The following ADAMTS2 variants were observed in gnomAD, a reference collection of about 807,000 sequenced individuals.
ADAMTS2 encodes the protein ADAM metallopeptidase with thrombospondin type 1 motif 2.
A neutral mutation model predicts 123.0 loss-of-function variants in ADAMTS2; 50 were observed. The ratio of observed to expected loss-of-function variants is 0.41; its 90% CI spans 0.32 to 0.51. ADAMTS2 has a LOEUF of 0.51. Among genes scored for constraint, ADAMTS2 ranks in the 20% least tolerant of loss-of-function variants. The pLI, the probability that ADAMTS2 is intolerant of heterozygous loss-of-function variation, is 0.35. For synonymous variants in ADAMTS2, 678 were observed against 695.4 expected, an observed-to-expected ratio of 0.98 and a Z score of 0.39; for missense variants, 1,494 against 1,705.2, an observed-to-expected ratio of 0.88 and a Z score of 2.18.
At position 179,132,410 on chromosome 5, in the gene ADAMTS2, C is replaced by T. The variant is rs3822594; in HGVS notation, c.2210-100G>A. ...GCCTCGCTCTTGAAGGCAGCTCCTC[C>T]GGAGGCTCTCCCAGGACCCTGGTAT... On this transcript the variant is annotated intron_variant, in intron 14 of 21. Coordinates refer to ENST00000251582, the MANE Select transcript of ADAMTS2 (RefSeq NM_014244.5). This position sits in a 1 kb window ranked among gnomAD's most constrained non-coding sequence, Gnocchi z 6.1. The T allele has an allele frequency of 3.2e-5, 38 of 1,175,706 alleles. No homozygotes were observed. The highest frequency in any genetic ancestry group is 2.6e-4 in the African/African-American group (17 of 66,490). 72.8% of individuals were successfully genotyped at this position (1,175,706 alleles called of 1,614,324 possible). A position where few individuals can be genotyped will look rare whatever the true frequency, so the allele number is the denominator to read the frequency against.
intron 2 of ADAMTS2, among the ~76,000 whole-genome samples, chr5:179,287,373 C>T (rs1460827619): frequency 1.3e-5 from 2 of 152,310 alleles, no homozygotes; most frequent in East Asian, 1.9e-4. Context: ...GCTGCACAGC[C>T]GGTGGGTGGT....
intron 5 of ADAMTS2, among the ~76,000 whole-genome samples, chr5:179,174,821 CCG>C (rs879741426): frequency 0.32 from 46,730 of 147,332 alleles, 9,451 homozygotes; most frequent in East Asian, 0.6. Flanking sequence ...TGCTTGGGTT[CCG>C]CAGCTGTCTC....
Position 179,132,979 on chromosome 5 carries a change from G to A in ADAMTS2, c.2086-79C>T, listed in dbSNP as rs567817677. 17 of 1,556,740 alleles carry A rather than the reference G, an allele frequency of 1.1e-5. No individual in the cohort carries two copies. Among genetic ancestry groups the A allele is most frequent in the East Asian group, 7.1e-5 (3 of 42,100 alleles). ...GTCATACTATGTTGCCCCCAGTCTC[G>A]AACACCTGGCCTCAAGCGATCCTCC... is the stretch of plus-strand genomic sequence containing the variant. On this transcript the variant is annotated intron_variant, in intron 13 of 21. Coordinates refer to ENST00000251582, the MANE Select transcript of ADAMTS2 (RefSeq NM_014244.5). The surrounding 1 kb of genome is among the most constrained non-coding windows in gnomAD (Gnocchi z 6.1).
intron 6 of ADAMTS2, among the ~76,000 whole-genome samples, chr5:179,157,049 T>C (rs1581158805): frequency 2.0e-5 from 3 of 149,098 alleles, no homozygotes; most frequent in African/African-American, 7.4e-5. Context: ...CTGCAACCTC[T>C]GCCTCCGGGG....
Position 179,181,189 on chromosome 5 carries a change from CA to C in ADAMTS2, c.892-35del. 1 of 1,524,644 alleles carries C rather than the reference CA, an allele frequency of 6.6e-7. No homozygotes were observed. The allele number at this position is 1,524,644 out of a possible 1,614,324, so 94.4% of individuals were successfully genotyped here. A position where few individuals can be genotyped will look rare whatever the true frequency, so the allele number is the denominator to read the frequency against. ...AACAGGGAGGCATCAGCGGGAACCA[CA>C]GGCCCTAGGACTGGCTCTGGCTCTG... On this transcript the variant is annotated intron_variant, in intron 4 of 21. Coordinates refer to ENST00000251582, the MANE Select transcript of ADAMTS2 (RefSeq NM_014244.5). The surrounding 1 kb of genome is among the most constrained non-coding windows in gnomAD (Gnocchi z 4.1).
rs746052206 is a variant in ADAMTS2 at position 179,197,673 on chromosome 5, C to T, written c.891+9840G>A. ...AGTGAGCTATGATTGCAGCACTACG[C>T]TCCAGCCTGGGTGACTGAGTGAGAC... On this transcript the variant is annotated intron_variant, in intron 4 of 21. Transcript: ENST00000251582. The surrounding 1 kb of genome is among the most constrained non-coding windows in gnomAD (Gnocchi z 4.2). Among the ~76,000 whole-genome samples the T allele has an allele frequency of 3.3e-5, 5 of 152,142 alleles. No homozygotes were observed. Among genetic ancestry groups the T allele is most frequent in the Non-Finnish European group, 7.3e-5 (5 of 68,034 alleles).
At chr5:179,174,000 A>G (rs554457111) in intron 5 of ADAMTS2, among the ~76,000 whole-genome samples, 38 of 150,422 alleles carry the variant, frequency 2.5e-4, no homozygotes, top group Non-Finnish European at 4.4e-4. Flanking sequence ...GCAACAGAGC[A>G]AGACTCCATC....
chr5:179,229,382 AGACCCCGCTGCCCACTCCACAAACACG>A (rs1159947572), intron 3 of ADAMTS2, among the ~76,000 whole-genome samples: 112 of 32,540 alleles, frequency 3.4e-3, no homozygotes, highest in South Asian at 4.2e-3. Flanking sequence ...CACAAACACG[AGACCCCGCTGCCCACTCCACAAACACG>A]AGACCCCGCT....
At chr5:179,315,896 G>A (rs1036677849) in intron 2 of ADAMTS2, among the ~76,000 whole-genome samples, 2 of 152,220 alleles carry the variant, frequency 1.3e-5, no homozygotes, top group African/African-American at 2.4e-5. Context: ...GAAAAGCTGC[G>A]AGACGTGGGC....
At chr5:179,278,571 G>A (rs1766806771) in intron 2 of ADAMTS2, among the ~76,000 whole-genome samples, 1 of 152,136 alleles carries the variant, frequency 6.6e-6, no homozygotes, top group African/African-American at 2.4e-5. Flanking sequence ...TGGCCTGTCT[G>A]TCCAACCCCA....
intron 4 of ADAMTS2, among the ~76,000 whole-genome samples, chr5:179,194,656 C>A (rs1370648302): frequency 6.6e-6 from 1 of 152,092 alleles, no homozygotes; most frequent in African/African-American, 2.4e-5. Flanking sequence ...GCCACCTTCC[C>A]ACAGGTATGT....
rs2113265276 is a variant in ADAMTS2 at position 179,158,856 on chromosome 5, C to T, written c.999G>A (p.Gly333=). 1 of 1,614,096 alleles carries T rather than the reference C, an allele frequency of 6.2e-7. No individual in the cohort carries two copies. Among genetic ancestry groups the T allele is most frequent in the Non-Finnish European group, 8.5e-7 (1 of 1,180,040 alleles). ...CATTCTCCAGGCTCTGAGAGGGGTT[C>T]CCGATCTCGATGAGGCTCATGGACT... ...YGKSMSLIEI[G]NPSQSLENVC... is the part of the protein sequence containing the mutation. The change falls in exon 6 of 22, where the codon GGG becomes GGA. Residue 333 remains glycine (G), a synonymous_variant. Transcript: ENST00000251582. The surrounding 1 kb of genome is among the most constrained non-coding windows in gnomAD (Gnocchi z 5.0).
intron 4 of ADAMTS2, among the ~76,000 whole-genome samples, chr5:179,187,605 C>G (rs557204528): frequency 6.6e-6 from 1 of 152,174 alleles, no homozygotes; most frequent in Non-Finnish European, 1.5e-5. Flanking sequence ...CCCCTCCCCC[C>G]AGCAGCCCTG....
intron 2 of ADAMTS2, among the ~76,000 whole-genome samples, chr5:179,301,871 G>A (rs944290372): frequency 5.8e-4 from 89 of 152,364 alleles, no homozygotes; most frequent in African/African-American, 2.1e-3. Context: ...TGGCAGCAGG[G>A]CGTGCGGGAT....
intron 3 of ADAMTS2, among the ~76,000 whole-genome samples, chr5:179,212,399 G>A (rs1203793726): frequency 6.7e-6 from 1 of 150,310 alleles, no homozygotes; most frequent in Non-Finnish European, 1.5e-5. Context: ...GGCTCTGTGG[G>A]CAGGTGTGGG....
chr5:179,237,556 C>T (rs545421283), intron 3 of ADAMTS2, among the ~76,000 whole-genome samples: 3 of 152,286 alleles, frequency 2.0e-5, no homozygotes, highest in East Asian at 1.9e-4. Flanking sequence ...AGAAAGGCTT[C>T]GTCACCTGGA....
rs1053898928 is a variant in ADAMTS2, at chr5:179,121,649, C to T, written c.3178+12G>A. The T allele has an allele frequency of 7.5e-6, 12 of 1,597,020 alleles. No individual in the cohort carries two copies. The South Asian group carries it at 1.0e-4, about 14-fold the overall frequency. Reference sequence around the variant, plus strand: ...TGGAGGGCAGAGGCAGAGTTATAAACGGGTCGGTTACTTGACGAGATCTTC... The same window carrying T: ...TGGAGGGCAGAGGCAGAGTTATAAATGGGTCGGTTACTTGACGAGATCTTC... On this transcript the variant is annotated intron_variant, in intron 21 of 21. Transcript: ENST00000251582.
In ADAMTS2 at chr5:179,256,548, A is replaced by G. The variant is rs1766057377; in HGVS notation, c.688+16363T>C. ...TGTGTGTGAGAGAGAGAGAGGAGAG[A>G]GAGACGGAGAGAGTTTATGTACGTG... On this transcript the variant is annotated intron_variant, in intron 3 of 21. Coordinates refer to ENST00000251582, the MANE Select transcript of ADAMTS2 (RefSeq NM_014244.5). This position sits in a 1 kb window ranked among gnomAD's most constrained non-coding sequence, Gnocchi z 4.1. Among the ~76,000 whole-genome samples the G allele has an allele frequency of 6.6e-6, 1 of 152,082 alleles. No homozygotes were observed. Among genetic ancestry groups the G allele is most frequent in the African/African-American group, 2.4e-5 (1 of 41,402 alleles).
intron 3 of ADAMTS2, among the ~76,000 whole-genome samples, chr5:179,244,764 T>C (rs1244303228): frequency 6.6e-6 from 1 of 152,142 alleles, no homozygotes; most frequent in Non-Finnish European, 1.5e-5. Flanking sequence ...ACACAGCTAC[T>C]GGAGTAAAAA....
Sources: allele counts gnomAD v4.1 joint callset (sites outside exome capture counted in the v4.1 genomes callset), GRCh38; gene constraint gnomAD v4.1.1; non-coding constraint Gnocchi (gnomAD v3.1); transcripts MANE v1.5; gene names NCBI Gene and HGNC (gene_info 2026-07-23, HGNC 2026-07-21).